Variants in KCNMA1 observed in about 807,000 individuals in gnomAD.
The protein encoded by KCNMA1 is Calcium-activated potassium channel subunit alpha-1.
A neutral mutation model predicts 140.0 loss-of-function variants in KCNMA1; 29 were observed. The ratio of observed to expected loss-of-function variants is 0.21; its 90% CI spans 0.15 to 0.28. The LOEUF is 0.28. KCNMA1 is among the 10% of genes least tolerant of loss of function. KCNMA1 has a pLI of 1.00. For synonymous variants in KCNMA1, 612 were observed against 611.9 expected, an observed-to-expected ratio of 1.00 and a Z score of 0.00; for missense variants, 880 against 1,602.2, an observed-to-expected ratio of 0.55 and a Z score of 7.70.
intron 1 of KCNMA1, among the ~76,000 whole-genome samples, chr10:77,461,027 A>G (rs945689074): frequency 6.6e-6 from 1 of 152,160 alleles, no homozygotes; most frequent in African/African-American, 2.4e-5. Flanking sequence ...AATTACTTGA[A>G]CACGGGAGGC....
At chr10:77,259,255 T>C (rs1025851765) in intron 2 of KCNMA1, among the ~76,000 whole-genome samples, 1 of 152,184 alleles carries the variant, frequency 6.6e-6, no homozygotes, top group Admixed American at 6.5e-5. Flanking sequence ...TTTGGGATTA[T>C]AGCATTAAAA....
chr10:77,153,744 G>A (rs2098451498), intron 5 of KCNMA1, among the ~76,000 whole-genome samples: 1 of 152,052 alleles, frequency 6.6e-6, no homozygotes, highest in African/African-American at 2.4e-5. Context: ...GTTTTCACGT[G>A]TGATTTGAAA....
chr10:76,909,294 T>G (rs1254102559), intron 25 of KCNMA1, among the ~76,000 whole-genome samples: 1 of 152,194 alleles, frequency 6.6e-6, no homozygotes, highest in Non-Finnish European at 1.5e-5. Flanking sequence ...AGCTCTATCC[T>G]AGTCCAAGCC....
In KCNMA1 at chr10:76,885,055, G is replaced by T; in HGVS notation, c.*2211C>A. On this transcript the variant is annotated 3_prime_UTR_variant, in exon 28 of 28. Coordinates refer to ENST00000286628, the MANE Select transcript of KCNMA1 (RefSeq NM_001161352.2). Reference sequence around the variant, plus strand: ...AAGTAAGCTATGTGAGTTTTACAATGCTTTTAAACTGTCATATTTCCTGTT... The same window carrying T: ...AAGTAAGCTATGTGAGTTTTACAATTCTTTTAAACTGTCATATTTCCTGTT... 6.5e-7 allele frequency: 1 copy of T among 1,546,024 alleles called. No homozygotes were observed. Among genetic ancestry groups the T allele is most frequent in the Non-Finnish European group, 8.7e-7 (1 of 1,145,092 alleles).
chr10:77,441,976 C>T (rs1190183611), intron 1 of KCNMA1, among the ~76,000 whole-genome samples: 1 of 152,202 alleles, frequency 6.6e-6, no homozygotes, highest in Non-Finnish European at 1.5e-5. Flanking sequence ...GGCTTCAGAA[C>T]TGTCCTGGAT....
chr10:76,954,152 C>A (rs2067275139), intron 20 of KCNMA1, among the ~76,000 whole-genome samples: 1 of 152,084 alleles, frequency 6.6e-6, no homozygotes, highest in Admixed American at 6.5e-5. Flanking sequence ...TTCTGCCTTT[C>A]CCCCGCTCCT....
chr10:77,576,041 C>T (rs2073967312), intron 1 of KCNMA1, among the ~76,000 whole-genome samples: 1 of 152,216 alleles, frequency 6.6e-6, no homozygotes, highest in South Asian at 2.1e-4. Flanking sequence ...GAGAATGGCT[C>T]CTGGCTTGAG....
At chr10:77,242,627 CT>C (rs1474349785) in intron 3 of KCNMA1, among the ~76,000 whole-genome samples, 1 of 152,118 alleles carries the variant, frequency 6.6e-6, no homozygotes, top group African/African-American at 2.4e-5. Context: ...TATGGCTGGA[CT>C]TCCTGCCCCT....
chr10:77,432,992 C>T (rs1485922838), intron 1 of KCNMA1, among the ~76,000 whole-genome samples: 4 of 151,924 alleles, frequency 2.6e-5, no homozygotes, highest in African/African-American at 7.3e-5. Flanking sequence ...GAAAAGATCA[C>T]GGATATCTGT....
Position 77,510,143 on chromosome 10 carries a change from G to A in KCNMA1, c.379-106120C>T, listed in dbSNP as rs1047496935. Among the ~76,000 whole-genome samples the A allele has an allele frequency of 5.3e-5, 8 of 152,068 alleles. No homozygotes were observed. In the East Asian group the frequency reaches 5.8e-4, roughly 11 times the overall value. On this transcript the variant is annotated intron_variant, in intron 1 of 27. Coordinates refer to ENST00000286628, the MANE Select transcript of KCNMA1 (RefSeq NM_001161352.2). ...ATTCACACAGTCCTGGGGTACAATCGCAGCTCCACAGTTGCTCAGTGATAA... is the reference window on the plus strand; with the variant it reads ...ATTCACACAGTCCTGGGGTACAATCACAGCTCCACAGTTGCTCAGTGATAA...
intron 1 of KCNMA1, among the ~76,000 whole-genome samples, chr10:77,452,245 C>A (rs1008270223): frequency 6.6e-6 from 1 of 152,184 alleles, no homozygotes; most frequent in Admixed American, 6.5e-5. Flanking sequence ...TGTCCCATAC[C>A]TCATGTCCTC....
At chr10:77,291,573 A>T (rs1355779019) in intron 2 of KCNMA1, among the ~76,000 whole-genome samples, 1 of 152,204 alleles carries the variant, frequency 6.6e-6, no homozygotes, top group African/African-American at 2.4e-5. Context: ...CCCAATAAGA[A>T]GGAGATGTAT....
chr10:77,042,689 G>T (rs570343478), intron 14 of KCNMA1, among the ~76,000 whole-genome samples: 14 of 151,996 alleles, frequency 9.2e-5, no homozygotes, highest in Non-Finnish European at 1.3e-4. Flanking sequence ...TTTAGTTTTG[G>T]TCAGAATTTT....
chr10:77,015,908 C>T (rs1007957235), intron 17 of KCNMA1, among the ~76,000 whole-genome samples: 3 of 152,148 alleles, frequency 2.0e-5, no homozygotes, highest in Admixed American at 2.0e-4. Context: ...ATGCAATAGG[C>T]GCTGAGTCTC....
intron 1 of KCNMA1, among the ~76,000 whole-genome samples, chr10:77,461,725 T>C (rs1022285770): frequency 9.2e-5 from 14 of 152,158 alleles, no homozygotes; most frequent in Non-Finnish European, 1.8e-4. Context: ...GTCTGTCACA[T>C]ATCCAGCATG....
In KCNMA1 at chr10:77,090,518, G is replaced by A. The variant is rs777700626; in HGVS notation, c.1224-8C>T. Reference sequence around the variant, plus strand: ...CCGCAGACCACAATGTGCCTGAACAGGAGAGGCCAGTTAGATCAGGCCAGG... The same window carrying A: ...CCGCAGACCACAATGTGCCTGAACAAGAGAGGCCAGTTAGATCAGGCCAGG... On this transcript the variant is annotated splice_polypyrimidine_tract_variant and splice_region_variant and intron_variant, in intron 9 of 27. Transcript: ENST00000286628. 16 of 1,591,004 alleles carry A rather than the reference G, an allele frequency of 1.0e-5. No individual in the cohort carries two copies. The African/African-American group carries it at 1.7e-4, about 17-fold the overall frequency.
chr10:77,625,979 G>T (rs1302226812), intron 1 of KCNMA1, among the ~76,000 whole-genome samples: 2 of 151,850 alleles, frequency 1.3e-5, no homozygotes, highest in Non-Finnish European at 2.9e-5. Context: ...CACTGCACAA[G>T]GGTTCCAATT....
chr10:77,376,014 A>G (rs2095077022), intron 2 of KCNMA1, among the ~76,000 whole-genome samples: 1 of 152,230 alleles, frequency 6.6e-6, no homozygotes, highest in Admixed American at 6.5e-5. Flanking sequence ...CCCTACCTGC[A>G]ATGAACTTGG....
intron 2 of KCNMA1, among the ~76,000 whole-genome samples, chr10:77,286,525 T>C (rs1320483177): frequency 6.6e-6 from 1 of 152,216 alleles, no homozygotes; most frequent in Non-Finnish European, 1.5e-5. Context: ...GTGATTTCCA[T>C]TGTAGTTTAT....
Sources: gnomAD v4.1 joint callset for allele counts (sites outside exome capture counted in the v4.1 genomes callset) on GRCh38, gnomAD v4.1.1 for gene constraint, MANE v1.5 for transcripts, NCBI Gene and HGNC (gene_info 2026-07-23, HGNC 2026-07-21) for gene names.